CPVL: variants seen among roughly 807,000 people sequenced by gnomAD.
CPVL encodes probable serine carboxypeptidase CPVL.
A neutral mutation model predicts 63.7 loss-of-function variants in CPVL; 51 were observed. The observed-to-expected ratio is 0.80, with a 90% CI of 0.64 to 1.01. The LOEUF (loss-of-function observed/expected upper bound fraction) is 1.01, where lower values mean the gene tolerates loss of function less well. Among genes scored for constraint, CPVL ranks in the 50% least tolerant of loss-of-function variants. The pLI, the probability that CPVL is intolerant of heterozygous loss-of-function variation, is 0.00. For synonymous variants in CPVL, 195 were observed against 206.0 expected (o/e 0.95, Z 0.46); for missense variants, 530 against 573.1 (o/e 0.92, Z 0.77).
intron 12 of CPVL, among the ~76,000 whole-genome samples, chr7:29,006,758 G>A (rs1282615831): frequency 3.6e-4 from 55 of 152,174 alleles, no homozygotes; most frequent in Admixed American, 3.6e-3. Context: ...GATGCCATTT[G>A]TTAAAATAAA....
In CPVL at chr7:29,071,048, C is replaced by T. The variant is rs149090954; in HGVS notation, c.864+725G>A. Among the ~76,000 whole-genome samples, 298 of 151,910 alleles carry T rather than the reference C, an allele frequency of 2.0e-3. 1 individual carries two copies. Among genetic ancestry groups the T allele is most frequent in the African/African-American group, 6.0e-3 (250 of 41,408 alleles). ...AAACATGATGGCTGTATAGTAAATACGGCAAAAAGCCCCTCAGGGAGATTG... is the reference window on the plus strand; with the variant it reads ...AAACATGATGGCTGTATAGTAAATATGGCAAAAAGCCCCTCAGGGAGATTG... On this transcript the variant is annotated intron_variant, in intron 9 of 12. Transcript: ENST00000265394.
intron 7 of CPVL, among the ~76,000 whole-genome samples, chr7:29,077,486 T>C (rs564453744): frequency 1.1e-3 from 164 of 152,196 alleles, no homozygotes; most frequent in Non-Finnish European, 2.0e-3. Context: ...GCCTGGCAGG[T>C]GGAAAGAGGG....
chr7:29,112,262 C>T (rs535937141), intron 3 of CPVL, among the ~76,000 whole-genome samples: 15 of 152,230 alleles, frequency 9.9e-5, no homozygotes, highest in Non-Finnish European at 1.0e-4. Flanking sequence ...CCACAGACAG[C>T]GCAGCTATAC....
At chr7:29,081,192 A>G (rs1167698912) in intron 7 of CPVL, 1 of 152,270 alleles carries the variant, frequency 6.6e-6, no homozygotes, top group East Asian at 1.9e-4. Context: ...GAACAAGGGC[A>G]ATCTCACTAA....
At chr7:29,185,266 C>T (rs1291569324) in intron 3 of CPVL, among the ~76,000 whole-genome samples, 1 of 152,088 alleles carries the variant, frequency 6.6e-6, no homozygotes, top group East Asian at 1.9e-4. Context: ...TGGGAGTGAC[C>T]CTAAGTGCCT....
chr7:29,120,818 CAAAAAAAAAAAA>C (rs375039373), intron 2 of CPVL, 63 bp downstream of exon 2: 9 of 990,472 alleles, frequency 9.1e-6, no homozygotes, highest in African/African-American at 8.2e-5. Flanking sequence ...GACTTCGTCT[CAAAAAAAAAAAA>C]AAAAAAAAGA....
At chr7:29,080,557 C>CAAAAA (rs138264408) in intron 7 of CPVL, among the ~76,000 whole-genome samples, 1 of 103,204 alleles carries the variant, frequency 9.7e-6, no homozygotes, top group Non-Finnish European at 2.0e-5. Context: ...CACTTTGTCT[C>CAAAAA]AAAAAAAAAA....
chr7:29,033,219 G>A (rs992723231), intron 11 of CPVL, among the ~76,000 whole-genome samples: 3 of 152,104 alleles, frequency 2.0e-5, no homozygotes, highest in South Asian at 2.1e-4. Context: ...GAATTCCAGA[G>A]CTCTTATTTG....
chr7:29,171,577 C>T (rs1219836657), intron 5 of CPVL, among the ~76,000 whole-genome samples: 1 of 152,098 alleles, frequency 6.6e-6, no homozygotes, highest in Non-Finnish European at 1.5e-5. Flanking sequence ...AGACTTTTAA[C>T]GTGGACCGGA....
intron 1 of CPVL, chr7:29,194,699 C>A (rs1004618480): frequency 1.7e-5 from 7 of 401,662 alleles, no homozygotes; most frequent in Non-Finnish European, 3.0e-5. Context: ...CCCCCTGACA[C>A]CCATAGAAAA....
rs1014092104 is a variant in CPVL, at chr7:28,995,502, C to G, written c.*270G>C. On this transcript the variant is annotated 3_prime_UTR_variant, in exon 13 of 13. Coordinates refer to ENST00000265394, the MANE Select transcript of CPVL (RefSeq NM_031311.5). The stretch of plus-strand genomic sequence containing the variant: ...CTTCCTATTCAAGACCCTAAAATTT[C>G]ATTTATACATCTTGTCTCAGTGTCA... 3 of 314,996 alleles carry G rather than the reference C, an allele frequency of 9.5e-6. No individual in the cohort carries two copies. Among genetic ancestry groups the G allele is most frequent in the African/African-American group, 6.6e-5 (3 of 45,204 alleles). 19.5% of individuals were successfully genotyped at this position (314,996 alleles called of 1,614,324 possible).
At position 29,064,144 on chromosome 7, in the gene CPVL, C is replaced by T. The variant is rs1420799492; in HGVS notation, c.1054G>A (p.Gly352Arg). ...CGCAAGTACTTTTCAACTATAGTTC[C>T]ATCATTAAAAGTCTGATTCCCCACG... ...IHVGNQTFND[G>R]TIVEKYLRED... The change falls in exon 11 of 13, where the codon GGA (glycine) becomes AGA (arginine). Residue 352 changes from glycine (G) to arginine (R), a missense_variant. By Grantham distance (125) the Gly-to-Arg change is moderately radical (BLOSUM62 -2). Coordinates refer to ENST00000265394, the MANE Select transcript of CPVL (RefSeq NM_031311.5). The T allele has an allele frequency of 6.2e-7, 1 of 1,612,580 alleles. No individual in the cohort carries two copies. The highest frequency in any genetic ancestry group is 8.5e-7 in the Non-Finnish European group (1 of 1,178,710).
chr7:28,997,477 C>T (rs317700), intron 12 of CPVL, among the ~76,000 whole-genome samples: 11,484 of 152,176 alleles, frequency 0.075, 455 homozygotes, highest in South Asian at 0.11. Flanking sequence ...ACAACCTTGA[C>T]GTGCAGTAAG....
chr7:29,140,281 A>T lies in CPVL; in HGVS notation c.-11+6148T>A, dbSNP rs572518831. 2.4e-3 allele frequency among the ~76,000 whole-genome samples: 364 copies of T among 152,216 alleles called. 1 individual carries two copies. The highest frequency in any genetic ancestry group is 8.5e-3 in the African/African-American group (354 of 41,554). ...GTGGCAAGACCCTGTCTCACATCAA[A>T]CAAACAAACAAACAGGCTTCTACCC... On this transcript the variant is annotated intron_variant, in intron 1 of 12. Coordinates refer to ENST00000265394, the MANE Select transcript of CPVL (RefSeq NM_031311.5).
chr7:29,123,218 G>C (rs1789551008), intron 1 of CPVL, among the ~76,000 whole-genome samples: 1 of 152,012 alleles, frequency 6.6e-6, no homozygotes, highest in Non-Finnish European at 1.5e-5. Context: ...GAAAATATTG[G>C]TTATAGCAAA....
intron 9 of CPVL, among the ~76,000 whole-genome samples, chr7:29,068,162 G>A (rs887417567): frequency 5.3e-5 from 8 of 151,738 alleles, no homozygotes; most frequent in South Asian, 2.1e-4. Context: ...CTGCCACCAC[G>A]CCCAGCTAAT....
In CPVL at chr7:29,030,717, C is replaced by T. The variant is rs766374508; in HGVS notation, c.1180G>A (p.Ala394Thr). 9 of 1,612,728 alleles carry T rather than the reference C, an allele frequency of 5.6e-6. No homozygotes were observed. Among genetic ancestry groups the T allele is most frequent in the South Asian group, 2.2e-5 (2 of 90,788 alleles). Residue 394 changes from alanine to threonine, a missense_variant, in exon 12 of 13, where the codon GCC (alanine) becomes ACC (threonine). Physicochemically the swap from Ala to Thr is moderately conservative, Grantham distance 58. Coordinates refer to ENST00000265394, the MANE Select transcript of CPVL (RefSeq NM_031311.5). ...CCCATCAAGGAGCGCTCTGTCAGGG[C>T]AGCTGCCACGATGATGTCCAGTTGG... ...NGQLDIIVAAALTERSLMGMD... is the reference protein window; with the variant it reads ...NGQLDIIVAATLTERSLMGMD...
chr7:29,083,048 C>A (rs187867240), intron 7 of CPVL, among the ~76,000 whole-genome samples: 1 of 152,208 alleles, frequency 6.6e-6, no homozygotes, highest in African/African-American at 2.4e-5. Flanking sequence ...CAGAAATTAC[C>A]AGGAGAGGTT....
chr7:29,175,969 A>G (rs761144463), intron 5 of CPVL, among the ~76,000 whole-genome samples: 30 of 152,144 alleles, frequency 2.0e-4, no homozygotes, highest in East Asian at 7.8e-4. Flanking sequence ...GGAAGATCAC[A>G]AGGTCAGGAG....
Sources: allele counts gnomAD v4.1 joint callset (sites outside exome capture counted in the v4.1 genomes callset), GRCh38; gene constraint gnomAD v4.1.1; transcripts MANE v1.5; gene names NCBI Gene and HGNC (gene_info 2026-07-23, HGNC 2026-07-21).